Variants in NPAS3 observed in about 807,000 individuals in gnomAD.
The protein encoded by NPAS3 is neuronal PAS domain-containing protein 3.
NPAS3 carries 14 observed loss-of-function variants against 73.1 expected under a neutral mutation model. The ratio of observed to expected loss-of-function variants is 0.19; its 90% CI spans 0.13 to 0.30. NPAS3 has a LOEUF of 0.30. Ranked by LOEUF, NPAS3 falls within the 10% of genes least tolerant of loss-of-function variation. The pLI, the probability that NPAS3 is intolerant of heterozygous loss-of-function variation, is 1.00. For missense variants in NPAS3, 1,096 were observed against 1,250.0 expected (o/e 0.88, Z 1.86); for synonymous variants, 620 against 541.5 (o/e 1.14, Z -2.01).
At chr14:33,792,065 A>T (rs1014796652) in intron 9 of NPAS3, among the ~76,000 whole-genome samples, 2 of 152,226 alleles carry the variant, frequency 1.3e-5, no homozygotes, top group Non-Finnish European at 2.9e-5. Flanking sequence ...ATAAAAGCAC[A>T]TCTTGTTGCA....
chr14:33,653,139 A>G (rs765467150), intron 5 of NPAS3, among the ~76,000 whole-genome samples: 2 of 152,172 alleles, frequency 1.3e-5, no homozygotes, highest in Non-Finnish European at 2.9e-5. Flanking sequence ...GCCACCTTGA[A>G]TCTCTTTGGG....
intron 4 of NPAS3, among the ~76,000 whole-genome samples, chr14:33,372,203 G>T (rs2046120296): frequency 6.6e-6 from 1 of 152,132 alleles, no homozygotes; most frequent in African/African-American, 2.4e-5. Flanking sequence ...AAGCTTCCCT[G>T]CTACCTGTGC....
chr14:33,505,314 G>T (rs979202901), intron 4 of NPAS3, among the ~76,000 whole-genome samples: 2 of 151,572 alleles, frequency 1.3e-5, no homozygotes, highest in Non-Finnish European at 2.9e-5. Flanking sequence ...AATTTTTAAT[G>T]GAAGAAAGTG....
At chr14:33,036,402 T>C (rs1039771969) in intron 1 of NPAS3, among the ~76,000 whole-genome samples, 1 of 152,102 alleles carries the variant, frequency 6.6e-6, no homozygotes, top group Non-Finnish European at 1.5e-5. Flanking sequence ...ATAGCACTGT[T>C]TGGAGCCCTG....
At position 32,977,810 on chromosome 14, in the gene NPAS3, A is replaced by T. The variant is rs529225541; in HGVS notation, c.50+38444A>T. On this transcript the variant is annotated intron_variant, in intron 1 of 11. Transcript: ENST00000356141. ...GTTAATATTTTAGTAGCCACATAGC[A>T]CAAGCAGTGTCTGAAGATCTGAAAT... is the stretch of plus-strand genomic sequence containing the variant. Among the ~76,000 whole-genome samples the T allele has an allele frequency of 7.4e-4, 113 of 152,342 alleles. 1 individual carries two copies. Among genetic ancestry groups the T allele is most frequent in the Non-Finnish European group, 2.5e-4 (17 of 68,032 alleles).
At chr14:33,352,301 A>G (rs1162091972) in intron 3 of NPAS3, among the ~76,000 whole-genome samples, 3 of 152,240 alleles carry the variant, frequency 2.0e-5, no homozygotes, top group Admixed American at 2.0e-4. Context: ...AAATGACGGA[A>G]AAGTCATATA....
intron 3 of NPAS3, among the ~76,000 whole-genome samples, chr14:33,223,958 TGATAAA>T (rs1204292871): frequency 8.5e-5 from 13 of 152,268 alleles, no homozygotes; most frequent in African/African-American, 3.1e-4. Context: ...ACAAAATATA[TGATAAA>T]GATAAAATAA....
chr14:33,415,561 T>C lies in NPAS3; in HGVS notation c.468+48293T>C, dbSNP rs954498494. 7.9e-5 allele frequency among the ~76,000 whole-genome samples: 12 copies of C among 152,162 alleles called. No homozygotes were observed. The South Asian group carries it at 1.9e-3, about 24-fold the overall frequency. ...TAAATTGCCCTATATGTAAATCACA[T>C]GCACCCACAAATGTACCATAGCATA... On this transcript the variant is annotated intron_variant, in intron 4 of 11. Transcript: ENST00000356141.
intron 2 of NPAS3, among the ~76,000 whole-genome samples, chr14:33,086,347 C>T (rs1388049044): frequency 6.6e-6 from 1 of 151,752 alleles, no homozygotes; most frequent in East Asian, 1.9e-4. Flanking sequence ...GGTTATTTTC[C>T]ATATATTCTT....
chr14:33,174,525 G>A (rs2045515274), intron 2 of NPAS3, among the ~76,000 whole-genome samples: 1 of 152,186 alleles, frequency 6.6e-6, no homozygotes, highest in Admixed American at 6.5e-5. Flanking sequence ...GTAAATGTTT[G>A]TGTCTGTTGT....
At chr14:33,610,351 G>T (rs1212067505) in intron 5 of NPAS3, among the ~76,000 whole-genome samples, 1 of 151,852 alleles carries the variant, frequency 6.6e-6, no homozygotes, top group African/African-American at 2.4e-5. Context: ...TTCATGATAC[G>T]CCTCTCCATC....
chr14:33,422,135 G>C (rs186390622), intron 4 of NPAS3, among the ~76,000 whole-genome samples: 1 of 151,948 alleles, frequency 6.6e-6, no homozygotes, highest in Non-Finnish European at 1.5e-5. Context: ...ACTGAGCAGC[G>C]GCCAAGACTA....
At chr14:33,193,811 G>A (rs906972917) in intron 2 of NPAS3, among the ~76,000 whole-genome samples, 6 of 152,200 alleles carry the variant, frequency 3.9e-5, no homozygotes, top group African/African-American at 1.4e-4. Flanking sequence ...TGGCTATGGA[G>A]TGGATGCAAG....
intron 1 of NPAS3, among the ~76,000 whole-genome samples, chr14:33,036,174 G>A (rs1383593794): frequency 6.6e-6 from 1 of 152,156 alleles, no homozygotes; most frequent in Non-Finnish European, 1.5e-5. Flanking sequence ...TCTGGGTTAG[G>A]GGTGGGGGCT....
chr14:33,555,640 T>A (rs533545113), intron 4 of NPAS3, among the ~76,000 whole-genome samples: 6 of 152,296 alleles, frequency 3.9e-5, no homozygotes, highest in African/African-American at 1.4e-4. Flanking sequence ...CCAACAATGA[T>A]GCTACCCTTC....
intron 2 of NPAS3, among the ~76,000 whole-genome samples, chr14:33,139,764 T>C (rs1046003461): frequency 6.6e-6 from 1 of 152,208 alleles, no homozygotes; most frequent in Non-Finnish European, 1.5e-5. Flanking sequence ...TTTCAAGTGC[T>C]TATTGGCCAC....
chr14:32,940,891 A>G (rs1295579450), intron 1 of NPAS3, among the ~76,000 whole-genome samples: 1 of 152,214 alleles, frequency 6.6e-6, no homozygotes, highest in Non-Finnish European at 1.5e-5. Flanking sequence ...TCTGAACTCT[A>G]GATGATTCTG....
At chr14:33,262,751 A>G (rs1203825391) in intron 3 of NPAS3, among the ~76,000 whole-genome samples, 1 of 152,210 alleles carries the variant, frequency 6.6e-6, no homozygotes, top group Non-Finnish European at 1.5e-5. Context: ...TTTCTTAATG[A>G]AAATAAGAGT....
chr14:33,752,974 G>C (rs2062007763), intron 7 of NPAS3, among the ~76,000 whole-genome samples: 1 of 152,096 alleles, frequency 6.6e-6, no homozygotes, highest in African/African-American at 2.4e-5. Context: ...CTTTTAAAAA[G>C]GAAAATCATT....
Sources: gnomAD v4.1 joint callset for allele counts (sites outside exome capture counted in the v4.1 genomes callset) on GRCh38, gnomAD v4.1.1 for gene constraint, MANE v1.5 for transcripts, NCBI Gene and HGNC (gene_info 2026-07-23, HGNC 2026-07-21) for gene names.